Variants in HFM1 observed in about 807,000 individuals in gnomAD.
HFM1 encodes helicase for meiosis 1.
Under a neutral mutation model 192.1 loss-of-function variants are expected in HFM1, and 169 were observed. The ratio of observed to expected loss-of-function variants is 0.88; its 90% CI spans 0.78 to 1.00. HFM1 has a LOEUF of 1.00. Among genes scored for constraint, HFM1 ranks in the 50% least tolerant of loss-of-function variants. The pLI is 0.00. For missense variants in HFM1, 1,661 were observed against 1,668.0 expected (o/e 1.00, Z 0.07); for synonymous variants, 525 against 537.8 (o/e 0.98, Z 0.33).
chr1:91,317,612 A>T (rs1651453432), intron 25 of HFM1, among the ~76,000 whole-genome samples: 1 of 152,132 alleles, frequency 6.6e-6, no homozygotes, highest in African/African-American at 2.4e-5. Flanking sequence ...CATATATTAC[A>T]TGTATTACTG....
intron 13 of HFM1, among the ~76,000 whole-genome samples, chr1:91,370,913 G>T (rs1468643667): frequency 6.6e-6 from 1 of 152,058 alleles, no homozygotes; most frequent in Non-Finnish European, 1.5e-5. Context: ...CAAAATCAAT[G>T]TACAAAAATC....
intron 13 of HFM1, among the ~76,000 whole-genome samples, chr1:91,354,718 C>A (rs898347404): frequency 9.2e-5 from 14 of 151,978 alleles, no homozygotes; most frequent in Non-Finnish European, 1.9e-4. Context: ...GACAATATTG[C>A]CAGTAAACAA....
intron 13 of HFM1, among the ~76,000 whole-genome samples, chr1:91,367,238 C>T (rs1659470255): frequency 6.6e-6 from 1 of 152,174 alleles, no homozygotes; most frequent in South Asian, 2.1e-4. Flanking sequence ...ATGTCCCTGT[C>T]TGACACATTG....
chr1:91,329,342 C>T (rs1653452944), intron 20 of HFM1: 2 of 1,603,102 alleles, frequency 1.2e-6, no homozygotes, highest in South Asian at 2.2e-5. Context: ...AGCGAATCCA[C>T]AGTGGGGTCA....
intron 18 of HFM1, among the ~76,000 whole-genome samples, chr1:91,348,478 G>A (rs1304547376): frequency 6.6e-6 from 1 of 152,094 alleles, no homozygotes; most frequent in African/African-American, 2.4e-5. Context: ...TTATCATACG[G>A]ATAGATTCAT....
intron 30 of HFM1, among the ~76,000 whole-genome samples, chr1:91,282,536 G>A (rs928907716): frequency 6.6e-6 from 1 of 151,816 alleles, no homozygotes; most frequent in African/African-American, 2.4e-5. Context: ...TGCCTATAAG[G>A]TTCCTATTAT....
intron 13 of HFM1, among the ~76,000 whole-genome samples, chr1:91,363,967 T>A (rs1435883563): frequency 6.6e-6 from 1 of 152,192 alleles, no homozygotes; most frequent in South Asian, 2.1e-4. Flanking sequence ...TTCTCACTTA[T>A]AAGTGGGAGC....
upstream of HFM1, among the ~76,000 whole-genome samples, chr1:91,405,857 T>G (rs1664779295): frequency 1.3e-5 from 2 of 152,256 alleles, no homozygotes; most frequent in African/African-American, 4.8e-5. Context: ...CTGCATAAAC[T>G]ATTCTTAATA....
intron 20 of HFM1, among the ~76,000 whole-genome samples, chr1:91,341,213 T>A (rs546083144): frequency 6.6e-6 from 1 of 151,788 alleles, no homozygotes; most frequent in African/African-American, 2.4e-5. Flanking sequence ...CTCAACAAAT[T>A]CAAAAAAAAT....
intron 30 of HFM1, among the ~76,000 whole-genome samples, chr1:91,287,778 G>A (rs1325619162): frequency 6.6e-6 from 1 of 151,524 alleles, no homozygotes; most frequent in Non-Finnish European, 1.5e-5. Context: ...AAATTTAGAA[G>A]AATGTATAAC....
chr1:91,377,835 T>C (rs1228318377), intron 11 of HFM1, 190 bp downstream of exon 11: 1 of 577,514 alleles, frequency 1.7e-6, no homozygotes, highest in African/African-American at 1.9e-5. Flanking sequence ...AAAAATGTTT[T>C]ATTAAACCTG....
chr1:91,375,378 CAT>C lies in HFM1; in HGVS notation c.1663_1664del (p.Met555AspfsTer40). The C allele has an allele frequency of 6.2e-7, 1 of 1,612,166 alleles. No homozygotes were observed. Among genetic ancestry groups the C allele is most frequent in the Non-Finnish European group, 8.5e-7 (1 of 1,178,648 alleles). On this transcript the variant is annotated frameshift_variant, in exon 13 of 39. Transcript: ENST00000370425. LOFTEE classifies it high-confidence loss of function. Reference protein sequence around the residue: ...SVLVKDAKFIMTVEQKQRLQK... With the variant: ...SVLVKDAKFIXTVEQKQRLQK... The stretch of plus-strand genomic sequence containing the variant: ...TATACCTCTGTTTCTGTTCCACAGT[CAT>C]AATAAATTTAGCATCTTTCACAAGA...
chr1:91,405,745 CCTT>C (rs1313755547), upstream of HFM1, among the ~76,000 whole-genome samples: 3 of 152,170 alleles, frequency 2.0e-5, no homozygotes, highest in African/African-American at 7.2e-5. Flanking sequence ...ATTTCTTTCA[CCTT>C]CTCTGAAATG....
chr1:91,407,712 A>G (rs1664855824), upstream of HFM1, among the ~76,000 whole-genome samples: 1 of 152,184 alleles, frequency 6.6e-6, no homozygotes, highest in Non-Finnish European at 1.5e-5. Context: ...TAATGCTTCT[A>G]TGAACATTCG....
At chr1:91,346,465 G>A (rs1656159181) in intron 19 of HFM1, among the ~76,000 whole-genome samples, 1 of 152,162 alleles carries the variant, frequency 6.6e-6, no homozygotes, top group South Asian at 2.1e-4. Context: ...TTATGACCAT[G>A]TTTTAAGAAC....
intron 34 of HFM1, 87 bp from the exon 35 acceptor site, chr1:91,267,942 G>A: frequency 1.4e-6 from 1 of 722,208 alleles, no homozygotes; most frequent in Non-Finnish European, 2.3e-6. Flanking sequence ...CACTGTTTGA[G>A]AGACTTTCTC....
At chr1:91,329,468 TAAG>T in intron 20 of HFM1, 1 of 1,566,800 alleles carries the variant, frequency 6.4e-7, no homozygotes, top group Non-Finnish European at 8.7e-7. Flanking sequence ...AGGGATCCAC[TAAG>T]AAGAAGGCAA....
intron 20 of HFM1, among the ~76,000 whole-genome samples, chr1:91,330,841 G>A (rs1418879613): frequency 3.9e-5 from 6 of 152,170 alleles, no homozygotes; most frequent in Non-Finnish European, 8.8e-5. Context: ...TGCAAGGATA[G>A]TTCAACGTAT....
intron 13 of HFM1, among the ~76,000 whole-genome samples, chr1:91,357,797 C>T (rs1254244980): frequency 4.0e-5 from 6 of 151,864 alleles, no homozygotes; most frequent in Non-Finnish European, 7.4e-5. Flanking sequence ...CATTTTTAAA[C>T]AAAAATAATA....
Sources: gnomAD v4.1 joint callset for allele counts (sites outside exome capture counted in the v4.1 genomes callset) on GRCh38, gnomAD v4.1.1 for gene constraint, MANE v1.5 for transcripts, NCBI Gene and HGNC (gene_info 2026-07-23, HGNC 2026-07-21) for gene names.